Variants in FSD1L observed in about 807,000 individuals in gnomAD.
FSD1L encodes FSD1-like protein.
In FSD1L, 45 loss-of-function variants were observed where a neutral mutation model predicts 71.6. The observed-to-expected ratio is 0.63, with a 90% CI of 0.49 to 0.81. The LOEUF is 0.81. FSD1L is among the 30% of genes least tolerant of loss of function. The pLI, the probability that FSD1L is intolerant of heterozygous loss-of-function variation, is 0.00. For synonymous variants in FSD1L, 197 were observed against 207.2 expected, an observed-to-expected ratio of 0.95 and a Z score of 0.42; for missense variants, 561 against 618.1, an observed-to-expected ratio of 0.91 and a Z score of 0.98.
chr9:105,512,174 A>T (rs1834428778), intron 9 of FSD1L, among the ~76,000 whole-genome samples: 2 of 151,812 alleles, frequency 1.3e-5, no homozygotes, highest in Non-Finnish European at 2.9e-5. Flanking sequence ...ATTCCTCAAA[A>T]TATTAAATAA....
chr9:105,473,491 C>A (rs1831605387), intron 5 of FSD1L, among the ~76,000 whole-genome samples: 1 of 152,158 alleles, frequency 6.6e-6, no homozygotes, highest in Non-Finnish European at 1.5e-5. Flanking sequence ...TTCTCAGAAT[C>A]TGTTGACTGT....
intron 4 of FSD1L, 38 bp downstream of exon 4, chr9:105,468,362 G>T: frequency 6.9e-7 from 1 of 1,439,612 alleles, no homozygotes; most frequent in East Asian, 2.9e-5. Context: ...GATAATTTTA[G>T]TCTATTTAAT....
intron 12 of FSD1L, among the ~76,000 whole-genome samples, 199 bp from the exon 13 acceptor site, chr9:105,539,064 C>T (rs1338946295): frequency 1.3e-5 from 2 of 152,052 alleles, no homozygotes; most frequent in African/African-American, 4.8e-5. Context: ...GTCTTGAAAA[C>T]CAGGGGAAGA....
At chr9:105,521,208 C>G (rs927557976) in intron 10 of FSD1L, 3 of 1,614,092 alleles carry the variant, frequency 1.9e-6, no homozygotes, top group Non-Finnish European at 2.5e-6. Context: ...GCCAAAACCA[C>G]ATACAGGACC....
At chr9:105,529,060 C>T (rs1413641469) in intron 10 of FSD1L, among the ~76,000 whole-genome samples, 1 of 152,062 alleles carries the variant, frequency 6.6e-6, no homozygotes, top group African/African-American at 2.4e-5. Flanking sequence ...AAATCAAAAC[C>T]ACCATGAGAT....
chr9:105,484,556 A>G (rs942056181), intron 7 of FSD1L, 54 bp downstream of exon 7: 13 of 1,268,962 alleles, frequency 1.0e-5, no homozygotes, highest in Middle Eastern at 3.9e-4. Flanking sequence ...TTTTTCTACA[A>G]GATTTTTTTG....
intron 10 of FSD1L, among the ~76,000 whole-genome samples, chr9:105,528,922 A>C (rs1020525127): frequency 5.9e-5 from 9 of 152,250 alleles, no homozygotes; most frequent in African/African-American, 2.2e-4. Context: ...AAAGAACTTA[A>C]CCAAATTTAC....
upstream of FSD1L, among the ~76,000 whole-genome samples, chr9:105,446,798 G>T (rs982248592): frequency 2.2e-5 from 3 of 139,370 alleles, no homozygotes; most frequent in Admixed American, 2.3e-4. Context: ...AATTTTGTTT[G>T]TAGAACTGGT....
chr9:105,485,024 G>C (rs1437905489), intron 7 of FSD1L, among the ~76,000 whole-genome samples: 1 of 152,100 alleles, frequency 6.6e-6, no homozygotes, highest in Non-Finnish European at 1.5e-5. Context: ...TTTATCTTCA[G>C]TAATATGTTA....
chr9:105,526,118 T>C (rs1835491515), intron 10 of FSD1L: 1 of 1,556,726 alleles, frequency 6.4e-7, no homozygotes, highest in Non-Finnish European at 8.9e-7. Flanking sequence ...TTTGGTCCCC[T>C]TTTTGATGGT....
upstream of FSD1L, among the ~76,000 whole-genome samples, chr9:105,444,330 G>A (rs143692547): frequency 7.9e-5 from 12 of 152,292 alleles, no homozygotes; most frequent in Middle Eastern, 3.4e-3. Context: ...TGTTACAGAC[G>A]AGGAAATTGA....
At chr9:105,507,337 G>A (rs1419315928) in intron 8 of FSD1L, among the ~76,000 whole-genome samples, 1 of 152,176 alleles carries the variant, frequency 6.6e-6, no homozygotes, top group African/African-American at 2.4e-5. Context: ...GCAAAATATT[G>A]CCTGAGTTGT....
intron 1 of FSD1L, among the ~76,000 whole-genome samples, chr9:105,460,272 G>C (rs1345281665): frequency 1.3e-5 from 2 of 152,118 alleles, no homozygotes; most frequent in African/African-American, 4.8e-5. Flanking sequence ...AATTTTGAAT[G>C]AATTTAAGAG....
chr9:105,494,348 C>G (rs1175133274), intron 7 of FSD1L, among the ~76,000 whole-genome samples: 14 of 152,254 alleles, frequency 9.2e-5, no homozygotes, highest in Non-Finnish European at 1.0e-4. Context: ...GCTTTCAGCT[C>G]CATCAGCTCC....
chr9:105,464,634 A>G (rs375785692), intron 3 of FSD1L, among the ~76,000 whole-genome samples: 9 of 152,282 alleles, frequency 5.9e-5, no homozygotes, highest in East Asian at 5.8e-4. Flanking sequence ...TAGTTTTTCA[A>G]AAGTGCTGGC....
intron 1 of FSD1L, among the ~76,000 whole-genome samples, chr9:105,459,623 G>A (rs1830564469): frequency 6.6e-6 from 1 of 152,236 alleles, no homozygotes; most frequent in Non-Finnish European, 1.5e-5. Context: ...AAGCTTAGCA[G>A]AGAGGCAGCA....
At chr9:105,492,456 G>T (rs891545290) in intron 7 of FSD1L, among the ~76,000 whole-genome samples, 1 of 152,044 alleles carries the variant, frequency 6.6e-6, no homozygotes, top group Non-Finnish European at 1.5e-5. Context: ...CCAGGTCCTG[G>T]ATTCATTAAT....
chr9:105,548,536 T>C lies in FSD1L; in HGVS notation c.*2053T>C, dbSNP rs996597777. 2 of 152,486 alleles carry C rather than the reference T, an allele frequency of 1.3e-5. No homozygotes were observed. The highest frequency in any genetic ancestry group is 4.8e-5 in the African/African-American group (2 of 41,430). 9.4% of individuals were successfully genotyped at this position (152,486 alleles called of 1,614,324 possible). A position where few individuals can be genotyped will look rare whatever the true frequency, so the allele number is the denominator to read the frequency against. On this transcript the variant is annotated 3_prime_UTR_variant, in exon 14 of 14. Coordinates refer to ENST00000481272, the MANE Select transcript of FSD1L (RefSeq NM_001145313.3). ...CTGATGTTTAAGCTACAGAGCATTG[T>C]TGTAGTGGTGAGGGCCCTCTGTTGC...
intron 1 of FSD1L, among the ~76,000 whole-genome samples, chr9:105,450,681 C>T (rs1829938298): frequency 6.6e-6 from 1 of 151,850 alleles, no homozygotes; most frequent in African/African-American, 2.4e-5. Flanking sequence ...TTACAGGCGC[C>T]TGCCACCACC....
Sources: gnomAD v4.1 joint callset for allele counts (sites outside exome capture counted in the v4.1 genomes callset) on GRCh38, gnomAD v4.1.1 for gene constraint, MANE v1.5 for transcripts, NCBI Gene and HGNC (gene_info 2026-07-23, HGNC 2026-07-21) for gene names.